The following SORCS1 variants were observed in gnomAD, a reference collection of about 807,000 sequenced individuals.
SORCS1 encodes the protein sortilin related VPS10 domain containing receptor 1.
Under a neutral mutation model 146.1 loss-of-function variants are expected in SORCS1, and 60 were observed. That is an observed-to-expected ratio of 0.41 (90% confidence interval 0.33 to 0.51). The LOEUF is 0.51. SORCS1 is among the 20% of genes least tolerant of loss of function. The pLI is 0.21. For synonymous variants in SORCS1, 637 were observed against 584.0 expected (o/e 1.09, Z -1.31); for missense variants, 1,352 against 1,487.6 (o/e 0.91, Z 1.50).
intron 5 of SORCS1, among the ~76,000 whole-genome samples, chr10:106,753,879 C>T (rs1858444644): frequency 6.6e-6 from 1 of 152,188 alleles, no homozygotes; most frequent in Non-Finnish European, 1.5e-5. Flanking sequence ...AACACAGGCT[C>T]TCTAGCCAGA....
chr10:107,176,825 G>GT, the SORCS1 span, among the ~76,000 whole-genome samples: 1 of 151,956 alleles, frequency 6.6e-6, no homozygotes, highest in African/African-American at 2.4e-5. Flanking sequence ...TACCCTTAGT[G>GT]TTTTTTATAT....
intron 2 of SORCS1, among the ~76,000 whole-genome samples, chr10:106,900,275 C>T (rs1589663780): frequency 6.6e-6 from 1 of 152,092 alleles, no homozygotes; most frequent in Non-Finnish European, 1.5e-5. Flanking sequence ...CATTATATCC[C>T]CGGTACCTTT....
At chr10:107,147,624 T>C (rs1269392581) in intron 1 of SORCS1, among the ~76,000 whole-genome samples, 2 of 152,226 alleles carry the variant, frequency 1.3e-5, no homozygotes, top group South Asian at 2.1e-4. Context: ...ATCAGGATAG[T>C]GAAAACTATC....
At chr10:107,128,339 C>T (rs184008931) in intron 1 of SORCS1, among the ~76,000 whole-genome samples, 9 of 152,328 alleles carry the variant, frequency 5.9e-5, no homozygotes. Flanking sequence ...GATGTCCCAT[C>T]TTGCTCTCAC....
intron 12 of SORCS1, 54 bp downstream of exon 12, chr10:106,679,202 G>C: frequency 6.9e-7 from 1 of 1,441,726 alleles, no homozygotes; most frequent in Non-Finnish European, 9.6e-7. Context: ...AACCAAGCTG[G>C]GCAATTTTTA....
intron 5 of SORCS1, among the ~76,000 whole-genome samples, chr10:106,747,949 G>A (rs1857864132): frequency 6.6e-6 from 1 of 152,114 alleles, no homozygotes; most frequent in Admixed American, 6.5e-5. Context: ...AATAAATAAT[G>A]CCACCTCATT....
chr10:107,124,953 C>CTTT (rs577523339), intron 1 of SORCS1, among the ~76,000 whole-genome samples: 5 of 121,610 alleles, frequency 4.1e-5, no homozygotes, highest in Admixed American at 8.6e-5. Context: ...TTTTCTTTTT[C>CTTT]TTTTTTTTTT....
chr10:106,961,406 T>C lies in SORCS1; in HGVS notation c.559-4826A>G, dbSNP rs185225160. Among the ~76,000 whole-genome samples, 3 of 152,324 alleles carry C rather than the reference T, an allele frequency of 2.0e-5. No individual in the cohort carries two copies. In the East Asian group the frequency reaches 5.8e-4, roughly 29 times the overall value. ...TAATCTGGTTCTACATACAGCAACT[T>C]TTGAAAACTTGTGTATTAACTAAGT... On this transcript the variant is annotated intron_variant, in intron 1 of 25. Transcript: ENST00000263054.
intron 2 of SORCS1, among the ~76,000 whole-genome samples, chr10:106,898,819 T>C (rs1453308357): frequency 6.6e-6 from 1 of 152,208 alleles, no homozygotes. Context: ...CCATTCATTG[T>C]TGCCTTTATC....
intron 3 of SORCS1, among the ~76,000 whole-genome samples, chr10:106,777,441 C>T (rs1351501962): frequency 2.6e-5 from 4 of 152,018 alleles, no homozygotes; most frequent in Admixed American, 6.5e-5. Flanking sequence ...AAATATTTGT[C>T]GAATGAATGA....
chr10:106,783,062 T>C (rs1467124939), intron 3 of SORCS1, among the ~76,000 whole-genome samples: 2 of 152,230 alleles, frequency 1.3e-5, no homozygotes, highest in African/African-American at 2.4e-5. Context: ...CGGATTTGAA[T>C]TTCTTCTCTG....
intron 5 of SORCS1, among the ~76,000 whole-genome samples, chr10:106,753,194 T>C (rs960879528): frequency 1.2e-4 from 18 of 152,180 alleles, no homozygotes; most frequent in African/African-American, 3.6e-4. Flanking sequence ...TTCATCCTAT[T>C]TCCAGTTTGC....
At chr10:106,823,580 G>A (rs1007274216) in intron 3 of SORCS1, among the ~76,000 whole-genome samples, 3 of 152,256 alleles carry the variant, frequency 2.0e-5, no homozygotes, top group Middle Eastern at 3.4e-3. Context: ...TGCTCGGCAC[G>A]TTAAAGAATA....
At chr10:107,146,583 G>A (rs188693008) in intron 1 of SORCS1, among the ~76,000 whole-genome samples, 1 of 152,142 alleles carries the variant, frequency 6.6e-6, no homozygotes, top group Non-Finnish European at 1.5e-5. Context: ...GTATACACCA[G>A]GTATCCAATT....
chr10:107,155,429 C>A (rs1344892138), intron 1 of SORCS1, among the ~76,000 whole-genome samples: 2 of 152,076 alleles, frequency 1.3e-5, no homozygotes, highest in East Asian at 3.9e-4. Context: ...AAAAGCAGGA[C>A]CCATGAGGAC....
chr10:107,014,286 G>A (rs186481441), intron 1 of SORCS1, among the ~76,000 whole-genome samples: 19,960 of 142,584 alleles, frequency 0.14, 4,520 homozygotes, highest in African/African-American at 0.49. Context: ...AAGAAAAAAA[G>A]AGAGAGAGAG....
At chr10:106,643,230 C>T (rs748546297) in intron 18 of SORCS1, among the ~76,000 whole-genome samples, 8 of 152,176 alleles carry the variant, frequency 5.3e-5, no homozygotes, top group Non-Finnish European at 1.2e-4. Flanking sequence ...CATAGAGTTG[C>T]TGTAAGATCT....
intron 1 of SORCS1, among the ~76,000 whole-genome samples, chr10:107,084,001 C>T (rs1963550968): frequency 1.3e-5 from 2 of 151,996 alleles, no homozygotes; most frequent in South Asian, 4.1e-4. Flanking sequence ...ACTTTCTCAA[C>T]TGTATTCACC....
At chr10:106,875,959 G>A (rs146025815) in intron 2 of SORCS1, among the ~76,000 whole-genome samples, 182 of 152,166 alleles carry the variant, frequency 1.2e-3, no homozygotes, top group Middle Eastern at 6.8e-3. Flanking sequence ...TCAGTTAGGA[G>A]TATAGGCTAT....
Sources: allele counts gnomAD v4.1 joint callset (sites outside exome capture counted in the v4.1 genomes callset), GRCh38; gene constraint gnomAD v4.1.1; transcripts MANE v1.5; gene names NCBI Gene and HGNC (gene_info 2026-07-23, HGNC 2026-07-21).